Variants in STAG3 observed in about 807,000 individuals in gnomAD.
STAG3 encodes cohesin subunit SA-3.
A neutral mutation model predicts 160.7 loss-of-function variants in STAG3; 101 were observed. The observed-to-expected ratio is 0.63, with a 90% CI of 0.54 to 0.74. STAG3 has a LOEUF of 0.74. Among genes scored for constraint, STAG3 ranks in the 30% least tolerant of loss-of-function variants. The probability of loss-of-function intolerance (pLI) is 0.00; values close to 1 mark genes in which losing one functional copy is unlikely to be tolerated. For missense variants in STAG3, 1,188 were observed against 1,517.4 expected, an observed-to-expected ratio of 0.78 and a Z score of 3.61; for synonymous variants, 519 against 585.0, an observed-to-expected ratio of 0.89 and a Z score of 1.63.
chr7:100,193,181 C>G lies in STAG3; in HGVS notation c.868-2128C>G, dbSNP rs532616812. ...GCCTCACCCATGTGCTTAAAATATTCAGGAAACCATACTGTGAACAGATGT... is the reference window on the plus strand; with the variant it reads ...GCCTCACCCATGTGCTTAAAATATTGAGGAAACCATACTGTGAACAGATGT... On this transcript the variant is annotated intron_variant, in intron 8 of 33. Coordinates refer to ENST00000615138, the MANE Select transcript of STAG3 (RefSeq NM_001282717.2). Among the ~76,000 whole-genome samples, 4 of 152,248 alleles carry G rather than the reference C, an allele frequency of 2.6e-5. No homozygotes were observed. In the East Asian group the frequency reaches 7.7e-4, roughly 29 times the overall value.
At chr7:100,184,278 A>AG (rs1799838197) in intron 4 of STAG3, among the ~76,000 whole-genome samples, 1 of 151,728 alleles carries the variant, frequency 6.6e-6, no homozygotes, top group Non-Finnish European at 1.5e-5. Context: ...AAAAAAAAAA[A>AG]GAAAGAAATT....
intron 25 of STAG3, 26 bp downstream of exon 25, chr7:100,202,616 AAG>A: frequency 1.2e-6 from 2 of 1,601,988 alleles, no homozygotes; most frequent in Non-Finnish European, 1.7e-6. Context: ...ACAGAAATAA[AAG>A]AGAAGGGAGC....
In STAG3 at chr7:100,192,890, C is replaced by T. The variant is rs555257160; in HGVS notation, c.868-2419C>T. Among the ~76,000 whole-genome samples, 3 of 152,310 alleles carry T rather than the reference C, an allele frequency of 2.0e-5. No homozygotes were observed. In the East Asian group the frequency reaches 5.8e-4, roughly 29 times the overall value. ...GTAGGCATGAGCCACCATGCCTAAC[C>T]CCAGGAGGTTTTAAATGGACTTTGC... On this transcript the variant is annotated intron_variant, in intron 8 of 33. Coordinates refer to ENST00000615138, the MANE Select transcript of STAG3 (RefSeq NM_001282717.2).
At chr7:100,201,670 A>G in intron 21 of STAG3, 116 bp from the exon 22 acceptor site, 1 of 896,532 alleles carries the variant, frequency 1.1e-6, no homozygotes, top group Non-Finnish European at 1.8e-6. Context: ...TTCCACTGGA[A>G]AAGGAATTAG....
chr7:100,207,207 A>G lies in STAG3; in HGVS notation c.3238+1823A>G, dbSNP rs1393955488. ...CATGTACACATTTTTGGGTGGATGC[A>G]TCTTTTCAGTTATCTTGAGATATAC... On this transcript the variant is annotated intron_variant, in intron 29 of 33. Transcript: ENST00000615138. This position sits in a 1 kb window ranked among gnomAD's most constrained non-coding sequence, Gnocchi z 4.0. Among the ~76,000 whole-genome samples the G allele has an allele frequency of 6.6e-6, 1 of 152,184 alleles. No homozygotes were observed. The highest frequency in any genetic ancestry group is 1.9e-4 in the East Asian group (1 of 5,198).
rs762665335 is a variant in STAG3, at chr7:100,197,886, G to A, written c.1164+10G>A. ...CACCAGCCGCTTCAAGGTAAAATGG[G>A]TGGTGCTCCATGGCTTGGCTCTTTG... On this transcript the variant is annotated intron_variant, in intron 11 of 33. Transcript: ENST00000615138. 6.8e-6 allele frequency: 11 copies of A among 1,611,468 alleles called. No homozygotes were observed. The Admixed American group carries it at 1.7e-4, about 24-fold the overall frequency.
chr7:100,204,141 AG>A lies in STAG3; in HGVS notation c.2802+21del. ...CAAGCAGGTGCGCCCTTCTGCCTTGAGGACATGCCAGCCCTGTTGTCCCCAA... is the reference window on the plus strand; with the variant it reads ...CAAGCAGGTGCGCCCTTCTGCCTTGAGACATGCCAGCCCTGTTGTCCCCAA... On this transcript the variant is annotated intron_variant, in intron 26 of 33. Coordinates refer to ENST00000615138, the MANE Select transcript of STAG3 (RefSeq NM_001282717.2). 6.3e-7 allele frequency: 1 copy of A among 1,597,598 alleles called. No individual in the cohort carries two copies. The highest frequency in any genetic ancestry group is 8.6e-7 in the Non-Finnish European group (1 of 1,165,572).
rs568326235 is a variant in STAG3, at chr7:100,180,741, T to C, written c.116+69T>C. The C allele has an allele frequency of 6.5e-4, 603 of 934,626 alleles. 2 individuals are homozygous for C. In the African/African-American group the frequency reaches 9.0e-3, roughly 14 times the overall value. 57.9% of individuals were successfully genotyped at this position (934,626 alleles called of 1,614,324 possible). ...CAGCCTTCCCCCTCGTTTTCCCACATTGATGATAATATGCGTGGGACTGTG... is the reference window on the plus strand; with the variant it reads ...CAGCCTTCCCCCTCGTTTTCCCACACTGATGATAATATGCGTGGGACTGTG... On this transcript the variant is annotated intron_variant, in intron 2 of 33. Coordinates refer to ENST00000615138, the MANE Select transcript of STAG3 (RefSeq NM_001282717.2).
intron 4 of STAG3, among the ~76,000 whole-genome samples, chr7:100,184,548 A>G (rs1261054449): frequency 7.3e-6 from 1 of 136,790 alleles, no homozygotes; most frequent in Non-Finnish European, 1.5e-5. Context: ...GCTCACTGCA[A>G]CCTCCACCTC....
At chr7:100,182,337 C>T (rs1243589204) in intron 3 of STAG3, 145 bp downstream of exon 3, 7 of 572,206 alleles carry the variant, frequency 1.2e-5, no homozygotes, top group East Asian at 9.1e-5. Context: ...CTAGCCTGGG[C>T]GACAGAGCGA....
Position 100,214,146 on chromosome 7 carries a change from T to G in STAG3, c.*131T>G, listed in dbSNP as rs369919806. On this transcript the variant is annotated 3_prime_UTR_variant, in exon 34 of 34. Transcript: ENST00000615138. ...GCCCTGGGCTCTGAGGGGAAAGAGT[T>G]GGGCATTGTTTTTCTAACCTAACCT... 1.5e-3 allele frequency: 1,994 copies of G among 1,330,986 alleles called. 4 individuals are homozygous for G. Among genetic ancestry groups the G allele is most frequent in the Non-Finnish European group, 1.9e-3 (1,759 of 949,060 alleles). The allele number at this position is 1,330,986 out of a possible 1,614,324, so 82.4% of individuals were successfully genotyped here.
In STAG3 at chr7:100,211,480, A is replaced by G; in HGVS notation, c.3459A>G (p.Pro1153=). The G allele has an allele frequency of 6.2e-7, 1 of 1,613,282 alleles. No individual in the cohort carries two copies. The highest frequency in any genetic ancestry group is 8.5e-7 in the Non-Finnish European group (1 of 1,179,936). ...CCGAGAGGTCAAGGTTCTTGGGTCCACAATATTTCCAGACTCCACACAACC... is the reference window on the plus strand; with the variant it reads ...CCGAGAGGTCAAGGTTCTTGGGTCCGCAATATTTCCAGACTCCACACAACC... The part of the protein sequence containing the change: ...AGTERSRFLG[P]QYFQTPHNPS... The change falls in exon 31 of 34, where the codon CCA becomes CCG. Residue 1153 remains proline (P), a synonymous_variant. Transcript: ENST00000615138.
intron 9 of STAG3, among the ~76,000 whole-genome samples, chr7:100,196,924 A>G (rs1369794264): frequency 6.6e-6 from 1 of 152,214 alleles, no homozygotes; most frequent in Non-Finnish European, 1.5e-5. Context: ...TGAACCCAGG[A>G]GTTCAAGGCC....
In STAG3 at chr7:100,191,990, C is replaced by T. The variant is rs114270871; in HGVS notation, c.867+2394C>T. 3.6e-3 allele frequency among the ~76,000 whole-genome samples: 544 copies of T among 152,306 alleles called. 4 individuals carry two copies. The highest frequency in any genetic ancestry group is 0.012 in the African/African-American group (504 of 41,562). On this transcript the variant is annotated intron_variant, in intron 8 of 33. Coordinates refer to ENST00000615138, the MANE Select transcript of STAG3 (RefSeq NM_001282717.2). ...CCATTTCAGGAAACCACTTTCCTTGCTCATTCATAAGAAGCAATTCCTTAT... is the reference window on the plus strand; with the variant it reads ...CCATTTCAGGAAACCACTTTCCTTGTTCATTCATAAGAAGCAATTCCTTAT...
chr7:100,199,351 G>T lies in STAG3; in HGVS notation c.1557G>T (p.Leu519=), dbSNP rs753652685. The change falls in exon 15 of 34, where the codon CTG becomes CTT. Residue 519 remains leucine (L), a synonymous_variant. Transcript: ENST00000615138. ...LKDWEGLTSL[L]LEKDQNLGDV... ...ACTGGGAGGGTCTGACAAGCCTGCTGCTGGAGAAGGACCAGAGTACGTGTC... is the reference window on the plus strand; with the variant it reads ...ACTGGGAGGGTCTGACAAGCCTGCTTCTGGAGAAGGACCAGAGTACGTGTC... 1 of 1,614,058 alleles carries T rather than the reference G, an allele frequency of 6.2e-7. No homozygotes were observed. The highest frequency in any genetic ancestry group is 1.7e-5 in the Admixed American group (1 of 60,020).
At position 100,195,301 on chromosome 7, in the gene STAG3, T is replaced by C. The variant is rs1408177937; in HGVS notation, c.868-8T>C. On this transcript the variant is annotated splice_region_variant and splice_polypyrimidine_tract_variant and intron_variant, in intron 8 of 33. Transcript: ENST00000615138. ...AGAAAGATTAACCCGTTTCTCCCTG[T>C]CCTCCAGCTCCAAGAGCATCAAGAG... The C allele has an allele frequency of 6.2e-7, 1 of 1,613,948 alleles. No individual in the cohort carries two copies. The highest frequency in any genetic ancestry group is 1.7e-5 in the Admixed American group (1 of 60,026).
downstream of STAG3, chr7:100,219,059 G>A (rs530711520): frequency 3.3e-5 from 5 of 152,806 alleles, no homozygotes; most frequent in Admixed American, 2.0e-4. Flanking sequence ...GCAACTTGGA[G>A]GGAAATATAC....
downstream of STAG3, chr7:100,218,205 C>A: frequency 6.3e-6 from 1 of 159,280 alleles, no homozygotes; most frequent in Non-Finnish European, 1.3e-5. Context: ...CTGGTCACTT[C>A]TCAGCATGTC....
Position 100,195,320 on chromosome 7 carries a change from T to A in STAG3, c.879T>A (p.His293Gln). The A allele has an allele frequency of 6.2e-7, 1 of 1,614,162 alleles. No individual in the cohort carries two copies. The highest frequency in any genetic ancestry group is 8.5e-7 in the Non-Finnish European group (1 of 1,180,012). ...TCCCTGTCCTCCAGCTCCAAGAGCA[T>A]CAAGAGGAGATTGAGGGGATGATGA... is the stretch of plus-strand genomic sequence containing the variant. ...LLEKRKELQE[H>Q]QEEIEGMMNA... is the part of the protein sequence containing the mutation. The change falls in exon 9 of 34, where the codon CAT becomes CAA. Residue 293 changes from histidine (H) to glutamine (Q), a missense_variant. Transcript: ENST00000615138.
Sources: allele counts gnomAD v4.1 joint callset (sites outside exome capture counted in the v4.1 genomes callset), GRCh38; gene constraint gnomAD v4.1.1; non-coding constraint Gnocchi (gnomAD v3.1); transcripts MANE v1.5; gene names NCBI Gene and HGNC (gene_info 2026-07-23, HGNC 2026-07-21).